EDIL3: variants seen among roughly 807,000 people sequenced by gnomAD.
EDIL3 encodes the protein EGF like and discoidin domains 3, also known as EGF-like repeat and discoidin I-like domain-containing protein 3.
A neutral mutation model predicts 67.4 loss-of-function variants in EDIL3; 37 were observed. That is an observed-to-expected ratio of 0.55 (90% confidence interval 0.42 to 0.72). The LOEUF (loss-of-function observed/expected upper bound fraction) is 0.72. Among genes scored for constraint, EDIL3 ranks in the 30% least tolerant of loss-of-function variants. The pLI is 0.00. For synonymous variants in EDIL3, 195 were observed against 196.3 expected, an observed-to-expected ratio of 0.99 and a Z score of 0.05; for missense variants, 527 against 586.3, an observed-to-expected ratio of 0.90 and a Z score of 1.04.
At chr5:84,078,032 T>A (rs1442451784) in intron 6 of EDIL3, among the ~76,000 whole-genome samples, 1 of 152,024 alleles carries the variant, frequency 6.6e-6, no homozygotes, top group African/African-American at 2.4e-5. Context: ...AACAAAAATA[T>A]CAAATAATAT....
intron 1 of EDIL3, among the ~76,000 whole-genome samples, chr5:84,349,541 T>C (rs936014815): frequency 2.0e-5 from 3 of 152,210 alleles, no homozygotes; most frequent in Non-Finnish European, 4.4e-5. Context: ...GTGGGCCATT[T>C]TGAAAAATGA....
intron 4 of EDIL3, among the ~76,000 whole-genome samples, chr5:84,166,337 G>A (rs1457740703): frequency 1.3e-5 from 2 of 151,660 alleles, no homozygotes; most frequent in East Asian, 3.9e-4. Flanking sequence ...AAGAGTTTTT[G>A]TTTGTTTGTT....
chr5:84,265,568 T>G (rs998381681), intron 1 of EDIL3, among the ~76,000 whole-genome samples: 1 of 152,212 alleles, frequency 6.6e-6, no homozygotes, highest in Non-Finnish European at 1.5e-5. Context: ...CGTTTTCACA[T>G]GAAGACAACG....
At chr5:84,055,851 C>T (rs1746436030) in intron 9 of EDIL3, among the ~76,000 whole-genome samples, 3 of 152,162 alleles carry the variant, frequency 2.0e-5, no homozygotes, top group African/African-American at 7.2e-5. Context: ...AACACTTTTA[C>T]ACTGTTGGTG....
intron 9 of EDIL3, among the ~76,000 whole-genome samples, chr5:84,029,335 T>C (rs1457053928): frequency 2.6e-5 from 4 of 152,160 alleles, no homozygotes; most frequent in Non-Finnish European, 5.9e-5. Flanking sequence ...CTGCCATCCA[T>C]GTAAAACATG....
At chr5:84,272,532 T>C (rs1745498106) in intron 1 of EDIL3, among the ~76,000 whole-genome samples, 1 of 152,152 alleles carries the variant, frequency 6.6e-6, no homozygotes, top group African/African-American at 2.4e-5. Context: ...TGTAGGTATA[T>C]ATATGCACAT....
intron 1 of EDIL3, among the ~76,000 whole-genome samples, chr5:84,357,507 T>G (rs1747511298): frequency 6.6e-6 from 1 of 152,080 alleles, no homozygotes; most frequent in Non-Finnish European, 1.5e-5. Context: ...CAGACACCCT[T>G]TAAGGTTCTA....
intron 1 of EDIL3, among the ~76,000 whole-genome samples, chr5:84,323,071 T>C (rs1199287195): frequency 6.6e-6 from 1 of 152,078 alleles, no homozygotes; most frequent in Non-Finnish European, 1.5e-5. Context: ...AGTAATGGTT[T>C]GTAACTTTAA....
chr5:84,260,608 T>C (rs966853707), intron 1 of EDIL3, among the ~76,000 whole-genome samples: 1 of 152,224 alleles, frequency 6.6e-6, no homozygotes, highest in African/African-American at 2.4e-5. Flanking sequence ...ATTTACATGT[T>C]GAACTCTTTC....
At position 84,358,592 on chromosome 5, in the gene EDIL3, C is replaced by CTTTTT. The variant is rs756013675; in HGVS notation, c.67+25711_67+25715dup. On this transcript the variant is annotated intron_variant, in intron 1 of 10. Transcript: ENST00000296591. ...GCATAAGACAGTATTCATTTTTATCCTTTTTTTTTTTTTTTTTTTTTTTTT... is the reference window on the plus strand; with the variant it reads ...GCATAAGACAGTATTCATTTTTATCCTTTTTTTTTTTTTTTTTTTTTTTTTTTTTT... Among the ~76,000 whole-genome samples the CTTTTT allele has an allele frequency of 2.2e-3, 209 of 94,570 alleles. 10 individuals are homozygous for CTTTTT. Among genetic ancestry groups the CTTTTT allele is most frequent in the African/African-American group, 7.5e-3 (190 of 25,324 alleles). 62.0% of individuals were successfully genotyped at this position (94,570 alleles called of 152,430 possible). A position where few individuals can be genotyped will look rare whatever the true frequency, so the allele number is the denominator to read the frequency against.
intron 9 of EDIL3, among the ~76,000 whole-genome samples, chr5:84,024,516 T>C (rs1745777447): frequency 6.6e-6 from 1 of 152,116 alleles, no homozygotes; most frequent in Admixed American, 6.6e-5. Context: ...GTGCAAAACC[T>C]AGTCCTGTTG....
chr5:84,070,583 CA>C (rs1415789032), intron 6 of EDIL3, among the ~76,000 whole-genome samples: 2 of 150,212 alleles, frequency 1.3e-5, no homozygotes, highest in Non-Finnish European at 2.9e-5. Flanking sequence ...ACTAATAAGA[CA>C]TTTAGGGCTA....
chr5:84,058,394 G>T (rs1365966418), intron 9 of EDIL3, among the ~76,000 whole-genome samples: 1 of 151,912 alleles, frequency 6.6e-6, no homozygotes, highest in Non-Finnish European at 1.5e-5. Flanking sequence ...TACAACTTTA[G>T]AAATGAATTT....
At chr5:84,254,728 T>C (rs1480113982) in intron 1 of EDIL3, among the ~76,000 whole-genome samples, 1 of 152,166 alleles carries the variant, frequency 6.6e-6, no homozygotes, top group Non-Finnish European at 1.5e-5. Flanking sequence ...ACTTCCTCTC[T>C]TGGAGTGCTG....
At chr5:84,149,912 A>G in intron 4 of EDIL3, among the ~76,000 whole-genome samples, 1 of 152,230 alleles carries the variant, frequency 6.6e-6, no homozygotes, top group South Asian at 2.1e-4. Context: ...AAATATACAA[A>G]ATAAAATATA....
At chr5:84,180,151 C>T (rs560282230) in intron 4 of EDIL3, among the ~76,000 whole-genome samples, 26 of 151,934 alleles carry the variant, frequency 1.7e-4, no homozygotes, top group African/African-American at 6.3e-4. Flanking sequence ...GATAGTGGGG[C>T]AATAATAAAA....
chr5:83,947,105 C>T (rs1744323349), intron 10 of EDIL3, among the ~76,000 whole-genome samples: 1 of 151,694 alleles, frequency 6.6e-6, no homozygotes, highest in African/African-American at 2.4e-5. Flanking sequence ...TTTGTTGCCC[C>T]CTTATAGATT....
intron 3 of EDIL3, among the ~76,000 whole-genome samples, chr5:84,218,955 C>T (rs1744285861): frequency 6.6e-6 from 1 of 152,198 alleles, no homozygotes; most frequent in East Asian, 1.9e-4. Context: ...ACGACACAAG[C>T]CTGGCTGGCT....
At chr5:84,284,207 C>A (rs1221354016) in intron 1 of EDIL3, among the ~76,000 whole-genome samples, 1 of 152,122 alleles carries the variant, frequency 6.6e-6, no homozygotes, top group African/African-American at 2.4e-5. Context: ...ATTTTTAAAA[C>A]AAAATGCATT....
Sources: gnomAD v4.1 joint callset for allele counts (sites outside exome capture counted in the v4.1 genomes callset) on GRCh38, gnomAD v4.1.1 for gene constraint, MANE v1.5 for transcripts, NCBI Gene and HGNC (gene_info 2026-07-23, HGNC 2026-07-21) for gene names.